CTPS2: variants seen among roughly 807,000 people sequenced by gnomAD.
CTPS2 encodes CTP synthase 2, also known as CTP synthase II.
Under a neutral mutation model 46.8 loss-of-function variants are expected in CTPS2, and 19 were observed. The observed-to-expected ratio is 0.41, with a 90% confidence interval of 0.28 to 0.60. The LOEUF (loss-of-function observed/expected upper bound fraction) is 0.60, where lower values mean the gene tolerates loss of function less well. Ranked by LOEUF, CTPS2 falls within the 20% of genes least tolerant of loss-of-function variation. The probability of loss-of-function intolerance (pLI) is 0.35; values close to 1 mark genes in which losing one functional copy is unlikely to be tolerated. For missense variants in CTPS2, 286 were observed against 447.6 expected, an observed-to-expected ratio of 0.64 and a Z score of 3.26; for synonymous variants, 151 against 165.2, an observed-to-expected ratio of 0.91 and a Z score of 0.66.
chrX:16,627,022 A>C (rs1337548768), intron 14 of CTPS2: 1 of 113,998 alleles, frequency 8.8e-6, no homozygotes, highest in African/African-American at 3.2e-5. Context: ...CATTGGTACA[A>C]AAGTAACTGC....
chrX:16,689,346 A>C, intron 8 of CTPS2, 104 bp downstream of exon 8: 1 of 812,720 alleles, frequency 1.2e-6, no homozygotes, highest in Non-Finnish European at 1.8e-6. Context: ...AAATGTGCAC[A>C]CGCAAAATGC....
chrX:16,676,276 C>T (rs1273995169), intron 10 of CTPS2, among the ~76,000 whole-genome samples: 6 of 111,833 alleles, frequency 5.4e-5, no homozygotes, highest in Admixed American at 4.8e-4. Flanking sequence ...TAGCCTCATA[C>T]CTTGTCTACA....
chrX:16,656,306 GTTC>G (rs1932816068), intron 13 of CTPS2, among the ~76,000 whole-genome samples: 1 of 111,410 alleles, frequency 9.0e-6, no homozygotes. Context: ...TTTGAACAAT[GTTC>G]TTCAAGCCAT....
At chrX:16,659,175 T>C (rs1322413078) in intron 13 of CTPS2, among the ~76,000 whole-genome samples, 1 of 111,841 alleles carries the variant, frequency 8.9e-6, no homozygotes, top group Non-Finnish European at 1.9e-5. Flanking sequence ...TAGGTATCAA[T>C]TAGCCCCTCG....
At chrX:16,659,481 T>C (rs1302129407) in intron 13 of CTPS2, among the ~76,000 whole-genome samples, 1 of 110,725 alleles carries the variant, frequency 9.0e-6, no homozygotes, top group East Asian at 2.8e-4. Flanking sequence ...GTTTAAAGAA[T>C]GTGTACACCA....
At chrX:16,668,852 T>A (rs1196227032) in intron 11 of CTPS2, among the ~76,000 whole-genome samples, 2 of 110,342 alleles carry the variant, frequency 1.8e-5, no homozygotes, top group Non-Finnish European at 3.8e-5. Flanking sequence ...ATGAGACAAA[T>A]CTGCCACCTT....
chrX:16,594,599 T>C (rs1380097765), intron 17 of CTPS2, among the ~76,000 whole-genome samples: 1 of 111,882 alleles, frequency 8.9e-6, no homozygotes, highest in Non-Finnish European at 1.9e-5. Flanking sequence ...CTATGCCAAG[T>C]ATAATTTCCT....
At chrX:16,629,341 G>A (rs746915236) in intron 14 of CTPS2, among the ~76,000 whole-genome samples, 22 of 112,309 alleles carry the variant, frequency 2.0e-4, no homozygotes, top group African/African-American at 7.1e-4. Context: ...CCTGCAGTGT[G>A]GACCTGGGCT....
chrX:16,623,453 T>C (rs1381993170), intron 14 of CTPS2, among the ~76,000 whole-genome samples: 1 of 111,386 alleles, frequency 9.0e-6, no homozygotes, highest in East Asian at 2.8e-4. Flanking sequence ...CCTTCTGCTA[T>C]CTCCATGGGT....
At chrX:16,701,529 C>T (rs1217060672) in intron 2 of CTPS2, among the ~76,000 whole-genome samples, 1 of 110,150 alleles carries the variant, frequency 9.1e-6, no homozygotes, top group Non-Finnish European at 1.9e-5. Flanking sequence ...CACTGCACTC[C>T]AGCCTGGGCG....
At chrX:16,620,242 C>A in intron 15 of CTPS2, 35 bp downstream of exon 15, 3 of 1,106,815 alleles carry the variant, frequency 2.7e-6, no homozygotes, top group Non-Finnish European at 3.7e-6. Context: ...CACTAAGCAT[C>A]CATATTCCCC....
intron 10 of CTPS2, among the ~76,000 whole-genome samples, chrX:16,675,464 G>A (rs943379647): frequency 8.9e-6 from 1 of 111,876 alleles, no homozygotes; most frequent in Non-Finnish European, 1.9e-5. Flanking sequence ...TGTCAAATAT[G>A]AAATGGTGTT....
At position 16,651,878 on chromosome X, in the gene CTPS2, C is replaced by T. The variant is rs752985872; in HGVS notation, c.1297-12635G>A. 6.3e-5 allele frequency among the ~76,000 whole-genome samples: 7 copies of T among 111,314 alleles called. No homozygotes were observed. The South Asian group carries it at 2.7e-3, about 42-fold the overall frequency. On this transcript the variant is annotated intron_variant, in intron 13 of 18. Transcript: ENST00000359276. Reference sequence around the variant, plus strand: ...AGAAAAAGCTGAGTCAGGACACTTGCCAAGGATGGTAAGGCAACTTACTCC... The same window carrying T: ...AGAAAAAGCTGAGTCAGGACACTTGTCAAGGATGGTAAGGCAACTTACTCC...
rs185295072 is a variant in CTPS2 at position 16,599,538 on chromosome X, G to A, written c.1692-8676C>T. Among the ~76,000 whole-genome samples, 44 of 101,474 alleles carry A rather than the reference G, an allele frequency of 4.3e-4. No homozygotes were observed. In the East Asian group the frequency reaches 0.013, roughly 29 times the overall value. 88.1% of individuals were successfully genotyped at this position (101,474 alleles called of 115,157 possible). ...GTTGCCCAGGCTGGAGTGCAATGGC[G>A]CAATCTCAGCTCACCACAATCTTCA... On this transcript the variant is annotated intron_variant, in intron 17 of 18. Coordinates refer to ENST00000359276, the MANE Select transcript of CTPS2 (RefSeq NM_175859.3).
At chrX:16,620,250 C>T in intron 15 of CTPS2, 27 bp downstream of exon 15, 2 of 1,145,231 alleles carry the variant, frequency 1.7e-6, no homozygotes, top group Non-Finnish European at 2.4e-6. Context: ...ATCCATATTC[C>T]CCAGTAATTC....
intron 13 of CTPS2, among the ~76,000 whole-genome samples, chrX:16,649,372 T>A (rs1286922397): frequency 8.9e-6 from 1 of 112,842 alleles, no homozygotes; most frequent in African/African-American, 3.2e-5. Context: ...TCTGAAGCAA[T>A]ACTTCCATTC....
At chrX:16,706,046 A>G (rs1320492951) in intron 1 of CTPS2, among the ~76,000 whole-genome samples, 1 of 108,052 alleles carries the variant, frequency 9.3e-6, no homozygotes, top group Non-Finnish European at 1.9e-5. Context: ...AGTTGCAGTG[A>G]GCCGAGATTG....
chrX:16,691,471 A>G (rs915264892), intron 7 of CTPS2, 69 bp downstream of exon 7: 1 of 860,134 alleles, frequency 1.2e-6, no homozygotes, highest in African/African-American at 2.0e-5. Flanking sequence ...ATGATCATTG[A>G]AGAGGTACAA....
chrX:16,703,022 ATTTTTTT>A, intron 1 of CTPS2, 81 bp from the exon 2 acceptor site: 2 of 451,253 alleles, frequency 4.4e-6, no homozygotes, highest in South Asian at 8.6e-5. Flanking sequence ...ACCAGAATTA[ATTTTTTT>A]TTTTTTTTTT....
Sources: gnomAD v4.1 joint callset for allele counts (sites outside exome capture counted in the v4.1 genomes callset) on GRCh38, gnomAD v4.1.1 for gene constraint, MANE v1.5 for transcripts, NCBI Gene and HGNC (gene_info 2026-07-23, HGNC 2026-07-21) for gene names.